LNPK: variants seen among roughly 807,000 people sequenced by gnomAD.
The protein encoded by LNPK is lunapark, ER junction formation factor, also known as endoplasmic reticulum junction formation protein lunapark.
LNPK carries 29 observed loss-of-function variants against 55.2 expected under a neutral mutation model. The ratio of observed to expected loss-of-function variants is 0.53; its 90% confidence interval spans 0.39 to 0.72. The LOEUF is 0.72. Among genes scored for constraint, LNPK ranks in the 30% least tolerant of loss-of-function variants. LNPK has a pLI of 0.00. For synonymous variants in LNPK, 162 were observed against 168.2 expected, an observed-to-expected ratio of 0.96 and a Z score of 0.29; for missense variants, 467 against 494.8, an observed-to-expected ratio of 0.94 and a Z score of 0.53.
Position 175,964,430 on chromosome 2 carries a change from A to G in LNPK, c.442-7T>C, listed in dbSNP as rs1686225716. Reference sequence around the variant, plus strand: ...CAGATGGCGGCTCACACTCCTGTCAATTATAATAATGTTATTACAGTGACC... The same window carrying G: ...CAGATGGCGGCTCACACTCCTGTCAGTTATAATAATGTTATTACAGTGACC... On this transcript the variant is annotated splice_region_variant and splice_polypyrimidine_tract_variant and intron_variant, in intron 7 of 12. Coordinates refer to ENST00000272748, the MANE Select transcript of LNPK (RefSeq NM_030650.3). 1.2e-6 allele frequency: 2 copies of G among 1,611,964 alleles called. No homozygotes were observed. Among genetic ancestry groups the G allele is most frequent in the Non-Finnish European group, 1.7e-6 (2 of 1,178,148 alleles).
intron 4 of LNPK, among the ~76,000 whole-genome samples, chr2:175,982,605 G>T (rs1402259517): frequency 6.6e-6 from 1 of 152,076 alleles, no homozygotes; most frequent in African/African-American, 2.4e-5. Context: ...ATGTTGCCCA[G>T]ACTGGTCTTG....
At chr2:175,945,310 G>C (rs887654927) in intron 9 of LNPK, among the ~76,000 whole-genome samples, 1 of 150,980 alleles carries the variant, frequency 6.6e-6, no homozygotes, top group Non-Finnish European at 1.5e-5. Flanking sequence ...AGGAGTCTGA[G>C]AACGGCCTGG....
Position 175,940,888 on chromosome 2 carries a change from G to A in LNPK, c.707-1231C>T, listed in dbSNP as rs867831190. The A allele has an allele frequency of 5.2e-5, 21 of 406,462 alleles. 1 individual carries two copies. In the Middle Eastern group the frequency reaches 6.3e-3, roughly 122 times the overall value. The allele number at this position is 406,462 out of a possible 1,614,324, so 25.2% of individuals were successfully genotyped here. A position where few individuals can be genotyped will look rare whatever the true frequency, so the allele number is the denominator to read the frequency against. ...AGTATAAAAAAAATCCACAGATTAT[G>A]TGTACAACAGTTTAGACACTGCACA... On this transcript the variant is annotated intron_variant, in intron 9 of 12. Coordinates refer to ENST00000272748, the MANE Select transcript of LNPK (RefSeq NM_030650.3).
In LNPK at chr2:175,926,843, G is replaced by A. The variant is rs1019339760; in HGVS notation, c.*3124C>T. On this transcript the variant is annotated 3_prime_UTR_variant, in exon 13 of 13. Transcript: ENST00000272748. The stretch of plus-strand genomic sequence containing the variant: ...AGAGTAACTCTATTTGATTAGATGA[G>A]AAACATAAACGGTTTGAATGTTCTG... 6.6e-6 allele frequency: 1 copy of A among 152,198 alleles called. No individual in the cohort carries two copies. The highest frequency in any genetic ancestry group is 1.5e-5 in the Non-Finnish European group (1 of 68,030). The allele number at this position is 152,198 out of a possible 1,614,324, so 9.4% of individuals were successfully genotyped here. A position where few individuals can be genotyped will look rare whatever the true frequency, so the allele number is the denominator to read the frequency against.
intron 8 of LNPK, among the ~76,000 whole-genome samples, chr2:175,963,194 C>A (rs1384566455): frequency 1.3e-5 from 2 of 151,408 alleles, no homozygotes; most frequent in African/African-American, 4.9e-5. Context: ...ACCCAGCCAT[C>A]CCATTACTGG....
intron 12 of LNPK, among the ~76,000 whole-genome samples, chr2:175,931,534 C>T (rs1375980250): frequency 6.6e-6 from 1 of 152,264 alleles, no homozygotes; most frequent in South Asian, 2.1e-4. Context: ...GTTATAACCA[C>T]CTTCCACCTT....
At chr2:175,945,511 A>G (rs1381794997) in intron 9 of LNPK, among the ~76,000 whole-genome samples, 1 of 36,458 alleles carries the variant, frequency 2.7e-5, no homozygotes, top group African/African-American at 1.3e-4. Context: ...GTCTCAAAAG[A>G]AAAAAAAAAA....
At chr2:175,967,769 T>C in intron 6 of LNPK, 1 of 972,642 alleles carries the variant, frequency 1.0e-6, no homozygotes, top group Non-Finnish European at 1.2e-6. Flanking sequence ...TAGTCACATC[T>C]TTCTTCTTTG....
chr2:175,955,752 G>A (rs1200244748), intron 8 of LNPK, among the ~76,000 whole-genome samples: 1 of 152,112 alleles, frequency 6.6e-6, no homozygotes, highest in African/African-American at 2.4e-5. Flanking sequence ...TTCAATACAT[G>A]CTATGGAACA....
intron 8 of LNPK, among the ~76,000 whole-genome samples, chr2:175,962,797 T>C (rs1166319278): frequency 6.6e-6 from 1 of 152,032 alleles, no homozygotes; most frequent in East Asian, 1.9e-4. Flanking sequence ...ATTTTTGCAA[T>C]CTACCCATCT....
chr2:175,993,233 A>G lies in LNPK; in HGVS notation c.28-10T>C. Reference sequence around the variant, plus strand: ...CAGTTGAAGGTTTTGTCTGTTATACAAACAGAAACAAGAGACAGCATTAAA... The same window carrying G: ...CAGTTGAAGGTTTTGTCTGTTATACGAACAGAAACAAGAGACAGCATTAAA... On this transcript the variant is annotated splice_polypyrimidine_tract_variant and intron_variant, in intron 2 of 12. Transcript: ENST00000272748. 6.6e-7 allele frequency: 1 copy of G among 1,519,268 alleles called. No homozygotes were observed. Among genetic ancestry groups the G allele is most frequent in the Non-Finnish European group, 8.9e-7 (1 of 1,118,334 alleles). 94.1% of individuals were successfully genotyped at this position (1,519,268 alleles called of 1,614,324 possible).
chr2:175,935,264 A>T (rs1337470987), intron 12 of LNPK, among the ~76,000 whole-genome samples: 1 of 152,198 alleles, frequency 6.6e-6, no homozygotes, highest in African/African-American at 2.4e-5. Flanking sequence ...ATAAGAATTA[A>T]AGCAGAAAAG....
intron 8 of LNPK, among the ~76,000 whole-genome samples, chr2:175,952,944 A>C (rs914748458): frequency 3.3e-5 from 5 of 152,066 alleles, no homozygotes; most frequent in Non-Finnish European, 7.4e-5. Context: ...ATTTATATCA[A>C]TCCTTTGGGG....
At chr2:175,979,704 C>A in intron 5 of LNPK, 106 bp downstream of exon 5, 2 of 968,402 alleles carry the variant, frequency 2.1e-6, no homozygotes, top group Non-Finnish European at 3.0e-6. Context: ...CTCTTCAATA[C>A]TTAACACATT....
At chr2:175,930,452 A>C (rs889301543) in intron 12 of LNPK, among the ~76,000 whole-genome samples, 1 of 152,116 alleles carries the variant, frequency 6.6e-6, no homozygotes, top group Admixed American at 6.5e-5. Context: ...ACTTTTTCTA[A>C]TGTCCCATAT....
rs762101436 is a variant in LNPK at position 175,947,556 on chromosome 2, C to T, written c.630G>A (p.Arg210=). ...TTGATGATAGGGCTGGAGTAACAGT[C>T]CTTTCTGGGGGTCCACCAGGGGCAG... ...DSSAPGGPPE[R]TVTPALSSNV... Residue 210 remains arginine, a synonymous_variant, in exon 9 of 13, where the codon AGG becomes AGA. Transcript: ENST00000272748. The T allele has an allele frequency of 1.2e-6, 2 of 1,614,048 alleles. No homozygotes were observed. The highest frequency in any genetic ancestry group is 1.7e-6 in the Non-Finnish European group (2 of 1,179,974).
At chr2:175,980,858 G>T (rs1386432529) in intron 4 of LNPK, among the ~76,000 whole-genome samples, 1 of 142,054 alleles carries the variant, frequency 7.0e-6, no homozygotes, top group Non-Finnish European at 1.5e-5. Flanking sequence ...AGTGAGCCAA[G>T]ATCATGCCAC....
intron 8 of LNPK, among the ~76,000 whole-genome samples, 193 bp from the exon 9 acceptor site, chr2:175,947,885 C>T (rs1173424425): frequency 6.6e-6 from 1 of 152,138 alleles, no homozygotes; most frequent in Non-Finnish European, 1.5e-5. Context: ...TTCAACTGTA[C>T]ATGTTTACAC....
In LNPK at chr2:175,930,165, T is replaced by C; in HGVS notation, c.1089A>G (p.Thr363=). 1.2e-6 allele frequency: 2 copies of C among 1,613,142 alleles called. No individual in the cohort carries two copies. The highest frequency in any genetic ancestry group is 1.7e-6 in the Non-Finnish European group (2 of 1,179,228). Residue 363 remains threonine, a synonymous_variant, in exon 13 of 13, where the codon ACA becomes ACG. Coordinates refer to ENST00000272748, the MANE Select transcript of LNPK (RefSeq NM_030650.3). Reference sequence around the variant, plus strand: ...CTGGTATTTTGTCATCTGTCTGCTCTGTATTATCATCAAGAACATCGTGTT... The same window carrying C: ...CTGGTATTTTGTCATCTGTCTGCTCCGTATTATCATCAAGAACATCGTGTT... The part of the protein sequence containing the change: ...SLEHDVLDDN[T]EQTDDKIPAT...
Sources: gnomAD v4.1 joint callset for allele counts (sites outside exome capture counted in the v4.1 genomes callset) on GRCh38, gnomAD v4.1.1 for gene constraint, MANE v1.5 for transcripts, NCBI Gene and HGNC (gene_info 2026-07-23, HGNC 2026-07-21) for gene names.